Variants in DHRS12 observed in about 807,000 individuals in gnomAD.
The protein encoded by DHRS12 is dehydrogenase/reductase SDR family member 12.
A neutral mutation model predicts 32.1 loss-of-function variants in DHRS12; 29 were observed. The observed-to-expected ratio is 0.90, with a 90% CI of 0.67 to 1.23. The LOEUF (loss-of-function observed/expected upper bound fraction) is 1.23, where lower values mean the gene tolerates loss of function less well. Among genes scored for constraint, DHRS12 ranks in the 50% most tolerant of loss-of-function variants. The pLI is 0.00. For synonymous variants in DHRS12, 150 were observed against 135.9 expected, an observed-to-expected ratio of 1.10 and a Z score of -0.72; for missense variants, 330 against 337.2, an observed-to-expected ratio of 0.98 and a Z score of 0.17.
intron 5 of DHRS12, 91 bp from the exon 6 acceptor site, chr13:51,774,125 AC>A (rs1435275087): frequency 8.8e-7 from 1 of 1,130,642 alleles, no homozygotes; most frequent in Non-Finnish European, 1.3e-6. Context: ...TGCTGTTGTG[AC>A]CAATGACCAC....
At chr13:51,802,048 G>C (rs560878645) in intron 1 of DHRS12, among the ~76,000 whole-genome samples, 125 of 152,250 alleles carry the variant, frequency 8.2e-4, no homozygotes, top group African/African-American at 2.9e-3. Context: ...TTCCATACAA[G>C]AATTCCATCC....
intron 4 of DHRS12, among the ~76,000 whole-genome samples, chr13:51,789,275 A>C (rs75954739): frequency 0.026 from 4,004 of 152,276 alleles, 86 homozygotes; most frequent in East Asian, 0.089. Flanking sequence ...TCCTGGGAAG[A>C]GTGTTGGATT....
intron 4 of DHRS12, among the ~76,000 whole-genome samples, chr13:51,787,804 T>A (rs1955038381): frequency 2.4e-5 from 3 of 125,794 alleles, no homozygotes; most frequent in South Asian, 4.5e-4. Flanking sequence ...TAATATATAT[T>A]TATATATAAT....
rs559933778 is a variant in DHRS12, at chr13:51,799,581, C to T, written c.79G>A (p.Glu27Lys). ...FLEESFWSLEETAALAKQLPL... is the reference protein window; with the variant it reads ...FLEESFWSLEKTAALAKQLPL... ...AGTTGCTTTGCCAATGCCGCTGTTTCCTCCAGTGACCAAAAAGACTCTTCC... is the reference window on the plus strand; with the variant it reads ...AGTTGCTTTGCCAATGCCGCTGTTTTCTCCAGTGACCAAAAAGACTCTTCC... Residue 27 changes from glutamate (E) to lysine (K), a missense_variant, in exon 2 of 9, where the codon GAA (glutamate) becomes AAA (lysine). Coordinates refer to ENST00000444610, the MANE Select transcript of DHRS12 (RefSeq NM_001377533.1). The T allele has an allele frequency of 1.3e-5, 21 of 1,614,142 alleles. No homozygotes were observed. The African/African-American group carries it at 2.4e-4, about 18-fold the overall frequency.
the DHRS12 span, chr13:51,756,375 G>GCTCCAAGCGCTCCTCCATCCCC: frequency 6.2e-7 from 1 of 1,614,104 alleles, no homozygotes; most frequent in South Asian, 1.1e-5. Flanking sequence ...GGCAAGTGCA[G>GCTCCAAGCGCTCCTCCATCCCC]CTCCAAGCGC....
the DHRS12 span, chr13:51,762,373 C>T: frequency 1.3e-5 from 2 of 152,298 alleles, no homozygotes; most frequent in Admixed American, 1.3e-4. Context: ...CAGAGCCACT[C>T]AGAGGCTGAA....
chr13:51,768,197 G>GAC lies in DHRS12; in HGVS notation c.796_797insGT (p.Thr266SerfsTer30). 2 of 1,536,122 alleles carry GAC rather than the reference G, an allele frequency of 1.3e-6. No individual in the cohort carries two copies. The highest frequency in any genetic ancestry group is 1.7e-6 in the Non-Finnish European group (2 of 1,146,888). On this transcript the variant is annotated frameshift_variant, in exon 9 of 9. Coordinates refer to ENST00000444610, the MANE Select transcript of DHRS12 (RefSeq NM_001377533.1). LOFTEE classifies it high-confidence loss of function. ...TGTGTCTGGGTTGGCCTATTTAAAT[G>GAC]TCTGAGCCAGCTGTTCCAGGATTTC... is the stretch of plus-strand genomic sequence containing the variant.
At chr13:51,792,586 G>C (rs1389279149) in intron 2 of DHRS12, among the ~76,000 whole-genome samples, 1 of 152,138 alleles carries the variant, frequency 6.6e-6, no homozygotes, top group East Asian at 1.9e-4. Flanking sequence ...TTTTAGGAGA[G>C]ACGGTGTTTC....
chr13:51,792,937 T>C (rs1955345179), intron 2 of DHRS12, among the ~76,000 whole-genome samples: 1 of 152,154 alleles, frequency 6.6e-6, no homozygotes, highest in South Asian at 2.1e-4. Flanking sequence ...CTTTTTTTTT[T>C]TTTGGTCAAA....
rs1955660401 is a variant in DHRS12, at chr13:51,799,580, T to C, written c.80A>G (p.Glu27Gly). Residue 27 changes from glutamate to glycine, a missense_variant, in exon 2 of 9, where the codon GAA becomes GGA. Physicochemically the swap from Glu to Gly is moderately conservative, Grantham distance 98 (BLOSUM62 -2). Transcript: ENST00000444610. ...CAGTTGCTTTGCCAATGCCGCTGTTTCCTCCAGTGACCAAAAAGACTCTTC... is the reference window on the plus strand; with the variant it reads ...CAGTTGCTTTGCCAATGCCGCTGTTCCCTCCAGTGACCAAAAAGACTCTTC... ...FLEESFWSLE[E>G]TAALAKQLPL... is the part of the protein sequence containing the mutation. 6.2e-7 allele frequency: 1 copy of C among 1,614,136 alleles called. No individual in the cohort carries two copies. Among genetic ancestry groups the C allele is most frequent in the Non-Finnish European group, 8.5e-7 (1 of 1,180,016 alleles).
At chr13:51,770,974 G>A (rs1953982701) in intron 7 of DHRS12, 2 of 1,346,848 alleles carry the variant, frequency 1.5e-6, no homozygotes, top group African/African-American at 2.9e-5. Context: ...TGAATTCCAA[G>A]GCTTCTGATA....
intron 3 of DHRS12, among the ~76,000 whole-genome samples, chr13:51,790,470 T>A (rs148944104): frequency 1.3e-5 from 2 of 152,320 alleles, no homozygotes; most frequent in Admixed American, 1.3e-4. Flanking sequence ...TAACCAAATA[T>A]ATCCAAAATA....
chr13:51,759,172 C>A, the DHRS12 span, among the ~76,000 whole-genome samples: 5 of 152,150 alleles, frequency 3.3e-5, no homozygotes, highest in Non-Finnish European at 4.4e-5. Flanking sequence ...CAGAGCAAGA[C>A]CCTGTCTCAA....
chr13:51,768,726 C>T, intron 8 of DHRS12: 1 of 1,124,176 alleles, frequency 8.9e-7, no homozygotes, highest in Non-Finnish European at 1.1e-6. Flanking sequence ...CCCTTAGGAG[C>T]CCACTGGGGA....
rs923222266 is a variant in DHRS12, at chr13:51,777,071, C to G, written c.352G>C (p.Asp118His). The G allele has an allele frequency of 6.8e-6, 11 of 1,613,978 alleles. No homozygotes were observed. Among genetic ancestry groups the G allele is most frequent in the African/African-American group, 1.3e-5 (1 of 74,920 alleles). The change falls in exon 5 of 9, where the codon GAC becomes CAC. Residue 118 changes from aspartate (D) to histidine (H), a missense_variant. By Grantham distance (81) the Asp-to-His change is moderately conservative (BLOSUM62 -1). Transcript: ENST00000444610. ...TAAGGTCAACTCACCACTCGGGGGT[C>G]GTGTTCTTTCTCCAGCACAGGGATC... ...GLIPVLEKEHDPRVITVSSGG... is the reference protein window; with the variant it reads ...GLIPVLEKEHHPRVITVSSGG...
At chr13:51,768,875 A>G in intron 8 of DHRS12, 2 of 1,368,594 alleles carry the variant, frequency 1.5e-6, no homozygotes, top group Non-Finnish European at 1.9e-6. Context: ...AGCAAACTGC[A>G]GAGAAAATCT....
chr13:51,784,221 C>G (rs551928709), intron 4 of DHRS12, among the ~76,000 whole-genome samples: 1 of 152,330 alleles, frequency 6.6e-6, no homozygotes, highest in East Asian at 1.9e-4. Flanking sequence ...GGGCAAGAAA[C>G]CCACCCATCA....
intron 4 of DHRS12, among the ~76,000 whole-genome samples, chr13:51,780,569 C>T (rs1377114109): frequency 2.0e-5 from 3 of 152,268 alleles, no homozygotes; most frequent in East Asian, 1.9e-4. Context: ...ATGTCGATGG[C>T]GGTTCATTAC....
intron 4 of DHRS12, among the ~76,000 whole-genome samples, chr13:51,784,991 G>A (rs1464247699): frequency 6.6e-6 from 1 of 152,206 alleles, no homozygotes; most frequent in East Asian, 1.9e-4. Context: ...AATTTGGGGG[G>A]CCAAGGCAGG....
Sources: gnomAD v4.1 joint callset for allele counts (sites outside exome capture counted in the v4.1 genomes callset) on GRCh38, gnomAD v4.1.1 for gene constraint, MANE v1.5 for transcripts, NCBI Gene and HGNC (gene_info 2026-07-23, HGNC 2026-07-21) for gene names.